Variants in ARHGEF7 observed in about 807,000 individuals in gnomAD.
ARHGEF7 encodes PAK-interacting exchange factor beta.
In ARHGEF7, 33 loss-of-function variants were observed where a neutral mutation model predicts 109.8. That is an observed-to-expected ratio of 0.30 (90% CI 0.23 to 0.40). ARHGEF7 has a LOEUF of 0.40. Ranked by LOEUF, ARHGEF7 falls within the 10% of genes least tolerant of loss-of-function variation. The probability of loss-of-function intolerance (pLI) is 1.00; values close to 1 mark genes in which losing one functional copy is unlikely to be tolerated. For missense variants in ARHGEF7, 938 were observed against 1,098.5 expected (o/e 0.85, Z 2.07); for synonymous variants, 458 against 424.6 (o/e 1.08, Z -0.97).
At chr13:111,195,933 A>G (rs1400575366) in intron 2 of ARHGEF7, among the ~76,000 whole-genome samples, 1 of 152,110 alleles carries the variant, frequency 6.6e-6, no homozygotes, top group Non-Finnish European at 1.5e-5. Context: ...CCTATTATAG[A>G]ACACTGAGGT....
chr13:111,127,483 C>T (rs1256780632), intron 1 of ARHGEF7, among the ~76,000 whole-genome samples: 2 of 151,564 alleles, frequency 1.3e-5, no homozygotes, highest in African/African-American at 2.4e-5. Context: ...GACCCTCCCC[C>T]CATCACTACA....
chr13:111,282,124 C>G (rs920789512), intron 15 of ARHGEF7, among the ~76,000 whole-genome samples: 1 of 152,222 alleles, frequency 6.6e-6, no homozygotes, highest in African/African-American at 2.4e-5. Context: ...TTCCCTCCCC[C>G]ATGCAGGGAC....
intron 2 of ARHGEF7, among the ~76,000 whole-genome samples, chr13:111,162,700 AGTTCTT>A (rs1456338703): frequency 6.6e-6 from 1 of 152,204 alleles, no homozygotes; most frequent in Non-Finnish European, 1.5e-5. Flanking sequence ...CTGAAGGACA[AGTTCTT>A]TTATTATACT....
intron 6 of ARHGEF7, among the ~76,000 whole-genome samples, chr13:111,240,511 T>C (rs2087585319): frequency 6.6e-6 from 1 of 152,186 alleles, no homozygotes; most frequent in Non-Finnish European, 1.5e-5. Context: ...CAGCAGGAGC[T>C]TCTGGGATTT....
chr13:111,206,928 C>G (rs997916322), intron 3 of ARHGEF7, among the ~76,000 whole-genome samples: 1 of 140,576 alleles, frequency 7.1e-6, no homozygotes, highest in African/African-American at 2.7e-5. Context: ...CGCCACTGCA[C>G]TCCAGCCTGG....
In ARHGEF7 at chr13:111,303,054, C is replaced by T. The variant is rs1310210646; in HGVS notation, c.2530C>T (p.Leu844=). ...GAGAGCCCGCAAAGACCTGGAGAAG[C>T]TGGTGAGGAAAGTCCTGAAGAACAT... The part of the protein sequence containing the change: ...EQRARKDLEK[L]VRKVLKNMND... The change falls in exon 22 of 22, where the codon CTG becomes TTG. Residue 844 remains leucine (L), a synonymous_variant. Coordinates refer to ENST00000646102, the MANE Select transcript of ARHGEF7 (RefSeq NM_001354046.2). 6.2e-7 allele frequency: 1 copy of T among 1,614,090 alleles called. No individual in the cohort carries two copies. Among genetic ancestry groups the T allele is most frequent in the Admixed American group, 1.7e-5 (1 of 60,018 alleles).
chr13:111,302,885 A>G, intron 21 of ARHGEF7, 106 bp from the exon 22 acceptor site: 2 of 1,442,042 alleles, frequency 1.4e-6, no homozygotes, highest in Non-Finnish European at 1.9e-6. Context: ...CTCACGTGGG[A>G]TTTCATGAAT....
intron 8 of ARHGEF7, among the ~76,000 whole-genome samples, chr13:111,246,084 T>C (rs2088791242): frequency 6.6e-6 from 1 of 152,216 alleles, no homozygotes; most frequent in South Asian, 2.1e-4. Flanking sequence ...AGTTTTTTTC[T>C]GTGTGACTAT....
intron 10 of ARHGEF7, 149 bp from the exon 11 acceptor site, chr13:111,274,582 C>T (rs1466303215): frequency 2.4e-6 from 1 of 421,780 alleles, no homozygotes; most frequent in Non-Finnish European, 4.2e-6. Flanking sequence ...TCGTGATTTG[C>T]TGAAAGACTG....
chr13:111,160,748 A>T (rs528232326), intron 2 of ARHGEF7, among the ~76,000 whole-genome samples: 2 of 152,236 alleles, frequency 1.3e-5, no homozygotes, highest in East Asian at 3.9e-4. Flanking sequence ...TGTGATAACG[A>T]GGGAGTTCTC....
intron 1 of ARHGEF7, among the ~76,000 whole-genome samples, chr13:111,123,685 A>G (rs1011384516): frequency 6.6e-6 from 1 of 152,218 alleles, no homozygotes; most frequent in Non-Finnish European, 1.5e-5. Context: ...CAGAGATAAT[A>G]TCTATTGAGT....
intron 1 of ARHGEF7, 158 bp from the exon 2 acceptor site, chr13:111,153,747 G>T (rs1351491629): frequency 8.2e-6 from 11 of 1,343,376 alleles, no homozygotes; most frequent in Admixed American, 8.3e-5. Context: ...GGCTGAGCGG[G>T]TTGGCATCTG....
intron 8 of ARHGEF7, among the ~76,000 whole-genome samples, chr13:111,267,065 T>C (rs2091711068): frequency 6.6e-6 from 1 of 152,192 alleles, no homozygotes; most frequent in African/African-American, 2.4e-5. Context: ...GCCTGTTAAC[T>C]GTCAGGATGC....
intron 1 of ARHGEF7, among the ~76,000 whole-genome samples, chr13:111,124,608 TCAGA>T (rs1035226099): frequency 1.3e-5 from 2 of 152,248 alleles, no homozygotes; most frequent in Non-Finnish European, 1.5e-5. Context: ...CATCTGACTC[TCAGA>T]CAGGTGGCTT....
intron 8 of ARHGEF7, among the ~76,000 whole-genome samples, chr13:111,261,012 A>T (rs2091032114): frequency 6.6e-6 from 1 of 152,216 alleles, no homozygotes; most frequent in Non-Finnish European, 1.5e-5. Context: ...AAAAAGCAAG[A>T]AATTAAAACA....
intron 8 of ARHGEF7, among the ~76,000 whole-genome samples, chr13:111,259,115 T>C (rs1417023086): frequency 6.6e-6 from 1 of 152,210 alleles, no homozygotes; most frequent in Non-Finnish European, 1.5e-5. Flanking sequence ...GGGCTCTGGC[T>C]CGCAGATGGC....
In ARHGEF7 at chr13:111,305,173, A is replaced by G. The variant is rs1014067427; in HGVS notation, c.*2060A>G. On this transcript the variant is annotated 3_prime_UTR_variant, in exon 22 of 22. Transcript: ENST00000646102. The stretch of plus-strand genomic sequence containing the variant: ...TGGACGGTGCGGCCATGAGGGCCTC[A>G]TGTTACGGCATTGCCTTTTCTTTCT... 1.3e-5 allele frequency: 2 copies of G among 152,226 alleles called. No individual in the cohort carries two copies. The highest frequency in any genetic ancestry group is 2.9e-5 in the Non-Finnish European group (2 of 68,030). 9.4% of individuals were successfully genotyped at this position (152,226 alleles called of 1,614,324 possible).
intron 6 of ARHGEF7, among the ~76,000 whole-genome samples, chr13:111,242,448 A>G (rs1406983243): frequency 6.6e-6 from 1 of 152,230 alleles, no homozygotes; most frequent in South Asian, 2.1e-4. Context: ...CATGTTTAAT[A>G]TCTTTATTAC....
rs778939982 is a variant in ARHGEF7, at chr13:111,280,353, G to A, written c.1585+3G>A. Reference sequence around the variant, plus strand: ...TAGAAATGCATTTGAAATATCAGGTGATAGGCACAAGCTGTGTGAGTGCTG... The same window carrying A: ...TAGAAATGCATTTGAAATATCAGGTAATAGGCACAAGCTGTGTGAGTGCTG... On this transcript the variant is annotated splice_donor_region_variant and intron_variant, in intron 14 of 21. Transcript: ENST00000646102. 2 of 1,613,014 alleles carry A rather than the reference G, an allele frequency of 1.2e-6. No individual in the cohort carries two copies. Among genetic ancestry groups the A allele is most frequent in the Admixed American group, 3.3e-5 (2 of 59,940 alleles).
Sources: allele counts gnomAD v4.1 joint callset (sites outside exome capture counted in the v4.1 genomes callset), GRCh38; gene constraint gnomAD v4.1.1; transcripts MANE v1.5; gene names NCBI Gene and HGNC (gene_info 2026-07-23, HGNC 2026-07-21).